CSMD3: variants seen among roughly 807,000 people sequenced by gnomAD.
The protein encoded by CSMD3 is CUB and Sushi multiple domains 3.
A neutral mutation model predicts 435.2 loss-of-function variants in CSMD3; 177 were observed. That is an observed-to-expected ratio of 0.41 (90% confidence interval 0.36 to 0.46). CSMD3 has a LOEUF of 0.46. Ranked by LOEUF, CSMD3 falls within the 20% of genes least tolerant of loss-of-function variation. The probability of loss-of-function intolerance (pLI) is 0.34; values close to 1 mark genes in which losing one functional copy is unlikely to be tolerated. For missense variants in CSMD3, 4,265 were observed against 4,504.6 expected (o/e 0.95, Z 1.52); for synonymous variants, 1,656 against 1,520.5 (o/e 1.09, Z -2.07).
At chr8:113,013,544 A>G (rs1376090147) in intron 6 of CSMD3, among the ~76,000 whole-genome samples, 1 of 152,074 alleles carries the variant, frequency 6.6e-6, no homozygotes, top group Non-Finnish European at 1.5e-5. Flanking sequence ...CTCAAATCTG[A>G]CTAGAGGTAA....
intron 12 of CSMD3, among the ~76,000 whole-genome samples, chr8:112,802,019 C>T (rs2078972791): frequency 6.6e-6 from 1 of 151,972 alleles, no homozygotes; most frequent in African/African-American, 2.4e-5. Flanking sequence ...CTAACACTTG[C>T]AAGCTAAATT....
At chr8:112,885,849 T>A (rs2081574405) in intron 10 of CSMD3, among the ~76,000 whole-genome samples, 1 of 151,706 alleles carries the variant, frequency 6.6e-6, no homozygotes, top group Admixed American at 6.6e-5. Context: ...GAGTTCACTA[T>A]CTGTTCATCA....
At chr8:112,420,020 A>G (rs2130259539) in intron 32 of CSMD3, among the ~76,000 whole-genome samples, 1 of 152,302 alleles carries the variant, frequency 6.6e-6, no homozygotes, top group African/African-American at 2.4e-5. Flanking sequence ...GTGTGCTTTT[A>G]TTTAATCACC....
chr8:113,334,955 C>T (rs190235189), intron 1 of CSMD3, among the ~76,000 whole-genome samples: 1 of 152,132 alleles, frequency 6.6e-6, no homozygotes, highest in East Asian at 1.9e-4. Context: ...GGATCTATGT[C>T]CTCACCAAAT....
intron 1 of CSMD3, among the ~76,000 whole-genome samples, chr8:113,332,192 A>G (rs2132778343): frequency 6.6e-6 from 1 of 151,742 alleles, no homozygotes; most frequent in South Asian, 2.1e-4. Flanking sequence ...TGCATGCCTT[A>G]ATTAAAAAAA....
intron 61 of CSMD3, 59 bp downstream of exon 61, chr8:112,263,580 T>C (rs1816641783): frequency 1.4e-6 from 2 of 1,395,818 alleles, no homozygotes; most frequent in African/African-American, 1.4e-5. Context: ...CAATCTCATA[T>C]TTGGTCTAGA....
intron 5 of CSMD3, among the ~76,000 whole-genome samples, chr8:113,084,165 T>C (rs900777106): frequency 1.1e-4 from 16 of 152,086 alleles, no homozygotes; most frequent in Non-Finnish European, 2.1e-4. Flanking sequence ...GAAAGCCAAA[T>C]TATCCTTGTT....
chr8:112,598,345 A>G lies in CSMD3; in HGVS notation c.3716-11110T>C, dbSNP rs561642753. Reference sequence around the variant, plus strand: ...AGGACCTCTTCAAGGAGAACTACAAACCACTTCTCGAAGAAATAAAAGAGG... The same window carrying G: ...AGGACCTCTTCAAGGAGAACTACAAGCCACTTCTCGAAGAAATAAAAGAGG... On this transcript the variant is annotated intron_variant, in intron 22 of 70. Transcript: ENST00000297405. 6.6e-5 allele frequency among the ~76,000 whole-genome samples: 10 copies of G among 151,486 alleles called. No homozygotes were observed. The South Asian group carries it at 1.9e-3, about 28-fold the overall frequency.
intron 22 of CSMD3, among the ~76,000 whole-genome samples, chr8:112,611,280 T>C (rs1053658998): frequency 6.6e-6 from 1 of 152,172 alleles, no homozygotes; most frequent in Non-Finnish European, 1.5e-5. Flanking sequence ...GTAAGGTACA[T>C]CTGGTTGATG....
At chr8:112,825,410 TTTG>T (rs145600692) in intron 12 of CSMD3, among the ~76,000 whole-genome samples, 1,995 of 152,082 alleles carry the variant, frequency 0.013, 45 homozygotes, top group African/African-American at 0.046. Context: ...TTTTCATCTT[TTTG>T]TTGTTGTTGT....
At chr8:112,827,161 ATAAATATATATATATAT>A (rs1357864914) in intron 12 of CSMD3, among the ~76,000 whole-genome samples, 4 of 49,852 alleles carry the variant, frequency 8.0e-5, no homozygotes, top group African/African-American at 3.5e-4. Context: ...CTAGGTTACC[ATAAATATATATATATAT>A]ATATATATAT....
chr8:112,541,870 T>C (rs1035785192), intron 27 of CSMD3, among the ~76,000 whole-genome samples: 1 of 151,868 alleles, frequency 6.6e-6, no homozygotes, highest in Admixed American at 6.6e-5. Context: ...TGAATACATG[T>C]ACAAAAATCC....
intron 64 of CSMD3, among the ~76,000 whole-genome samples, chr8:112,246,702 G>A (rs997762689): frequency 1.3e-4 from 20 of 152,056 alleles, no homozygotes; most frequent in Non-Finnish European, 2.6e-4. Flanking sequence ...GGGTATTTTA[G>A]ATTACTTCAG....
At chr8:113,434,978 T>C (rs2094696735) in intron 1 of CSMD3, among the ~76,000 whole-genome samples, 1 of 152,196 alleles carries the variant, frequency 6.6e-6, no homozygotes, top group African/African-American at 2.4e-5. Flanking sequence ...CCCTTACATT[T>C]TTCTGCCAGG....
intron 1 of CSMD3, among the ~76,000 whole-genome samples, chr8:113,399,392 A>G (rs1347827628): frequency 1.3e-5 from 2 of 151,916 alleles, no homozygotes; most frequent in Non-Finnish European, 2.9e-5. Context: ...CAGCACTGTT[A>G]TAACAGCCAA....
At position 112,689,922 on chromosome 8, in the gene CSMD3, A is replaced by G; in HGVS notation, c.2101T>C (p.Ser701Pro). The change falls in exon 14 of 71, where the codon TCC becomes CCC. Residue 701 changes from serine (S) to proline (P), a missense_variant. Ser to Pro is a moderately conservative substitution (Grantham distance 74). Transcript: ENST00000297405. ...TGGTTATTCTCTTGACAAACAATGG[A>G]TTTCTCTCCAATTAATTCAAACCCA... ...QFGFELIGEK[S>P]IVCQENNQWS... 1 of 1,613,274 alleles carries G rather than the reference A, an allele frequency of 6.2e-7. No individual in the cohort carries two copies. The highest frequency in any genetic ancestry group is 8.5e-7 in the Non-Finnish European group (1 of 1,179,456).
At chr8:112,404,148 A>T (rs1831567542) in intron 35 of CSMD3, among the ~76,000 whole-genome samples, 1 of 152,188 alleles carries the variant, frequency 6.6e-6, no homozygotes, top group Non-Finnish European at 1.5e-5. Flanking sequence ...CCTAGTTTAT[A>T]CCATTATCCT....
intron 4 of CSMD3, among the ~76,000 whole-genome samples, chr8:113,170,150 C>T (rs2092241308): frequency 6.6e-6 from 1 of 152,098 alleles, no homozygotes; most frequent in African/African-American, 2.4e-5. Flanking sequence ...GAGTCATCAG[C>T]CCCCTGCAAA....
At chr8:112,921,983 C>T (rs2082758191) in intron 9 of CSMD3, among the ~76,000 whole-genome samples, 1 of 151,974 alleles carries the variant, frequency 6.6e-6, no homozygotes, top group African/African-American at 2.4e-5. Context: ...GTTTACCATG[C>T]TAAGTAGATG....
Sources: allele counts gnomAD v4.1 joint callset (sites outside exome capture counted in the v4.1 genomes callset), GRCh38; gene constraint gnomAD v4.1.1; transcripts MANE v1.5; gene names NCBI Gene and HGNC (gene_info 2026-07-23, HGNC 2026-07-21).